Variants in TENM3 observed in about 807,000 individuals in gnomAD.
TENM3 encodes the protein teneurin transmembrane protein 3.
A neutral mutation model predicts 255.1 loss-of-function variants in TENM3; 63 were observed. The ratio of observed to expected loss-of-function variants is 0.25; its 90% CI spans 0.20 to 0.30. TENM3 has a LOEUF of 0.30. Ranked by LOEUF, TENM3 falls within the 10% of genes least tolerant of loss-of-function variation. TENM3 has a pLI of 1.00. For missense variants in TENM3, 2,929 were observed against 3,461.1 expected, an observed-to-expected ratio of 0.85 and a Z score of 3.86; for synonymous variants, 1,306 against 1,322.3, an observed-to-expected ratio of 0.99 and a Z score of 0.27.
At chr4:181,488,091 A>C in the TENM3 span, among the ~76,000 whole-genome samples, 9,359 of 152,272 alleles carry the variant, frequency 0.061, 703 homozygotes, top group African/African-American at 0.18. Context: ...TGGGCTTTGC[A>C]GTCAGGCAGC....
chr4:182,428,059 C>T (rs1031712029), intron 3 of TENM3, among the ~76,000 whole-genome samples: 2 of 151,392 alleles, frequency 1.3e-5, no homozygotes, highest in African/African-American at 4.9e-5. Context: ...GCTATAAATA[C>T]AACACATTTT....
the TENM3 span, among the ~76,000 whole-genome samples, chr4:181,857,948 G>A: frequency 6.6e-6 from 1 of 152,186 alleles, no homozygotes; most frequent in Non-Finnish European, 1.5e-5. Flanking sequence ...GTTGTAACCA[G>A]AGTCCCCTTC....
At chr4:181,573,366 C>T in the TENM3 span, among the ~76,000 whole-genome samples, 2 of 152,020 alleles carry the variant, frequency 1.3e-5, no homozygotes, top group African/African-American at 4.8e-5. Flanking sequence ...CAAGAGTGTA[C>T]ACAGATTCCC....
chr4:181,902,314 A>G, the TENM3 span, among the ~76,000 whole-genome samples: 2 of 151,994 alleles, frequency 1.3e-5, no homozygotes, highest in East Asian at 1.9e-4. Context: ...TTGCTTGTTC[A>G]CTCTGATGAT....
chr4:182,738,719 T>C (rs1167241931), intron 18 of TENM3, among the ~76,000 whole-genome samples, 175 bp downstream of exon 18: 1 of 152,120 alleles, frequency 6.6e-6, no homozygotes, highest in East Asian at 1.9e-4. Context: ...AAGCCTAAAG[T>C]GGGAACTGTA....
the TENM3 span, among the ~76,000 whole-genome samples, chr4:181,685,999 G>C: frequency 6.6e-6 from 1 of 152,114 alleles, no homozygotes; most frequent in Non-Finnish European, 1.5e-5. Context: ...TTTTGTATGG[G>C]AAACAAAATG....
At chr4:182,532,312 T>C (rs925055787) in intron 3 of TENM3, among the ~76,000 whole-genome samples, 17 of 152,196 alleles carry the variant, frequency 1.1e-4, no homozygotes, top group Non-Finnish European at 2.2e-4. Flanking sequence ...TTCAGTGATA[T>C]ATGCATATAG....
the TENM3 span, among the ~76,000 whole-genome samples, chr4:181,864,207 T>C: frequency 2.0e-5 from 3 of 152,214 alleles, no homozygotes; most frequent in African/African-American, 7.2e-5. Flanking sequence ...AAACTGCACA[T>C]TATTCAACTA....
the TENM3 span, among the ~76,000 whole-genome samples, chr4:181,642,154 G>T: frequency 8.9e-4 from 135 of 151,952 alleles, no homozygotes; most frequent in African/African-American, 3.1e-3. Flanking sequence ...ACTTTTTAAT[G>T]ATTGCCATTC....
At chr4:181,570,655 AAAGCAAGCAAGC>A in the TENM3 span, among the ~76,000 whole-genome samples, 149 of 150,354 alleles carry the variant, frequency 9.9e-4, no homozygotes, top group Non-Finnish European at 5.8e-4. Context: ...AGAAAGAAGG[AAAGCAAGCAAGC>A]AAGCAAGCAA....
At chr4:181,703,659 G>A in the TENM3 span, among the ~76,000 whole-genome samples, 1 of 152,176 alleles carries the variant, frequency 6.6e-6, no homozygotes, top group African/African-American at 2.4e-5. Context: ...TATAACAGCT[G>A]AGTTGGCTAA....
At chr4:181,989,695 T>G in the TENM3 span, among the ~76,000 whole-genome samples, 1 of 152,168 alleles carries the variant, frequency 6.6e-6, no homozygotes, top group African/African-American at 2.4e-5. Context: ...CAGTTTATGT[T>G]AACTGTTCTG....
the TENM3 span, among the ~76,000 whole-genome samples, chr4:181,937,489 G>T: frequency 1.5e-4 from 23 of 152,334 alleles, no homozygotes; most frequent in African/African-American, 5.1e-4. Flanking sequence ...TGAAGTGGGA[G>T]AATTCTACAT....
rs576781541 is a variant in TENM3 at position 182,156,229 on chromosome 4, T to C, written c.-76+11475T>C. Among the ~76,000 whole-genome samples, 200 of 152,248 alleles carry C rather than the reference T, an allele frequency of 1.3e-3. 2 individuals carry two copies. Among genetic ancestry groups the C allele is most frequent in the Non-Finnish European group, 1.6e-4 (11 of 68,012 alleles). ...CACAACAATTTTGGCTTAACTAATA[T>C]GCAGAAAAAAAGTCACTGAAAGTTT... On this transcript the variant is annotated intron_variant, in intron 1 of 2. Coordinates refer to the TENM3 transcript ENST00000512480.
At chr4:182,187,266 C>T (rs1467676142) in intron 1 of TENM3, among the ~76,000 whole-genome samples, 2 of 152,042 alleles carry the variant, frequency 1.3e-5, no homozygotes, top group Non-Finnish European at 2.9e-5. Flanking sequence ...TAGTTCTTTT[C>T]TTAAATGTAT....
intron 5 of TENM3, among the ~76,000 whole-genome samples, chr4:182,645,123 A>G (rs1174469600): frequency 2.6e-5 from 4 of 151,730 alleles, no homozygotes; most frequent in African/African-American, 7.3e-5. Context: ...TGTTCATGAT[A>G]TCAGTGACTT....
intron 1 of TENM3, among the ~76,000 whole-genome samples, chr4:182,251,584 A>G (rs1421069805): frequency 2.0e-5 from 3 of 152,242 alleles, no homozygotes; most frequent in Non-Finnish European, 4.4e-5. Flanking sequence ...CTTTCCCAGT[A>G]TAGAGTCACC....
intron 3 of TENM3, among the ~76,000 whole-genome samples, chr4:182,397,888 C>G (rs975646930): frequency 1.1e-4 from 16 of 152,130 alleles, no homozygotes; most frequent in Non-Finnish European, 1.8e-4. Flanking sequence ...TACTTCTGTG[C>G]CGTGGTCAAT....
chr4:182,753,459 T>C lies in TENM3; in HGVS notation c.3872T>C (p.Val1291Ala), dbSNP rs1171417610. Residue 1291 changes from valine to alanine, a missense_variant, in exon 21 of 28, where the codon GTT (valine) becomes GCT (alanine). Coordinates refer to ENST00000511685, the MANE Select transcript of TENM3 (RefSeq NM_001080477.4). ...ATLMSPKGMAVDKNGLIYFVD... is the reference protein window; with the variant it reads ...ATLMSPKGMAADKNGLIYFVD... ...CTTCTCTCAAATACAGGAATGGCAG[T>C]TGATAAGAATGGATTAATCTACTTT... is the stretch of plus-strand genomic sequence containing the variant. The C allele has an allele frequency of 6.2e-7, 1 of 1,612,818 alleles. No homozygotes were observed. The highest frequency in any genetic ancestry group is 2.2e-5 in the East Asian group (1 of 44,856).
Sources: allele counts gnomAD v4.1 joint callset (sites outside exome capture counted in the v4.1 genomes callset), GRCh38; gene constraint gnomAD v4.1.1; transcripts MANE v1.5; gene names NCBI Gene and HGNC (gene_info 2026-07-23, HGNC 2026-07-21).